Variants in TANC1 observed in about 807,000 individuals in gnomAD.
The protein encoded by TANC1 is tetratricopeptide repeat, ankyrin repeat and coiled-coil containing 1, also known as protein TANC1.
TANC1 carries 77 observed loss-of-function variants against 149.7 expected under a neutral mutation model. That is an observed-to-expected ratio of 0.51 (90% CI 0.43 to 0.62). The LOEUF (loss-of-function observed/expected upper bound fraction) is 0.62, where lower values mean the gene tolerates loss of function less well. TANC1 is among the 20% of genes least tolerant of loss of function. The pLI is 0.00. For missense variants in TANC1, 1,985 were observed against 2,321.8 expected (o/e 0.85, Z 2.98); for synonymous variants, 854 against 925.0 (o/e 0.92, Z 1.39).
At chr2:159,042,664 C>T (rs181882452) in intron 2 of TANC1, among the ~76,000 whole-genome samples, 14 of 151,824 alleles carry the variant, frequency 9.2e-5, no homozygotes, top group African/African-American at 3.1e-4. Flanking sequence ...GGCAAGATTC[C>T]GTGGGGGGTG....
chr2:158,992,380 A>G lies in TANC1; in HGVS notation c.-125-8700A>G, dbSNP rs1404904643. ...ACCCTGTCTCAAAAAAAAAAAAAAG[A>G]AAGTGTTTAAGTGCAGCAGCCATGA... On this transcript the variant is annotated intron_variant, in intron 1 of 26. Transcript: ENST00000263635. 5.3e-5 allele frequency among the ~76,000 whole-genome samples: 8 copies of G among 150,592 alleles called. No individual in the cohort carries two copies. The East Asian group carries it at 1.4e-3, about 26-fold the overall frequency.
rs761075753 is a variant in TANC1 at position 159,172,225 on chromosome 2, G to C, written c.1456G>C (p.Glu486Gln). The C allele has an allele frequency of 6.2e-7, 1 of 1,614,068 alleles. No homozygotes were observed. The highest frequency in any genetic ancestry group is 1.3e-5 in the African/African-American group (1 of 74,938). ...AKTPLGSISA[E>Q]NQRPREDAVK... ...AACACCTCTTGGGTCTATCAGTGCT[G>C]AAAACCAGAGACCAAGAGAGGATGC... Residue 486 changes from glutamate (E) to glutamine (Q), a missense_variant, in exon 11 of 27, where the codon GAA (glutamate) becomes CAA (glutamine). Physicochemically the swap from Glu to Gln is conservative, Grantham distance 29 (BLOSUM62 2). This residue lies in a region of TANC1 where 557 missense variants were observed against 612.9 expected (regional missense o/e 0.91). Transcript: ENST00000263635.
At position 159,060,502 on chromosome 2, in the gene TANC1, C is replaced by G. The variant is rs538305707; in HGVS notation, c.-15-5394C>G. 1.7e-4 allele frequency among the ~76,000 whole-genome samples: 26 copies of G among 152,342 alleles called. No homozygotes were observed. In the East Asian group the frequency reaches 5.0e-3, roughly 29 times the overall value. Reference sequence around the variant, plus strand: ...TGTCACATGGATTTAACTGAATTTTCTTGCATTCCTTGCAAGTGTGAATAT... The same window carrying G: ...TGTCACATGGATTTAACTGAATTTTGTTGCATTCCTTGCAAGTGTGAATAT... On this transcript the variant is annotated intron_variant, in intron 2 of 26. Coordinates refer to ENST00000263635, the MANE Select transcript of TANC1 (RefSeq NM_033394.3).
intron 2 of TANC1, among the ~76,000 whole-genome samples, chr2:159,061,814 ACTTATT>A (rs1476575251): frequency 6.6e-6 from 1 of 152,150 alleles, no homozygotes; most frequent in Non-Finnish European, 1.5e-5. Context: ...ATTTTCAAAG[ACTTATT>A]CTTAAGTATT....
Position 159,028,681 on chromosome 2 carries a change from A to C in TANC1, c.-16+27492A>C, listed in dbSNP as rs7575448. On this transcript the variant is annotated intron_variant, in intron 2 of 26. Coordinates refer to ENST00000263635, the MANE Select transcript of TANC1 (RefSeq NM_033394.3). The stretch of plus-strand genomic sequence containing the variant: ...TGTGACTGAAACTTTATATTCTTTC[A>C]ACAATTCTCCATTTTCCTCTCTCCC... Among the ~76,000 whole-genome samples, 903 of 152,306 alleles carry C rather than the reference A, an allele frequency of 5.9e-3. 8 individuals carry two copies. Among genetic ancestry groups the C allele is most frequent in the South Asian group, 0.013 (62 of 4,826 alleles).
rs554719965 is a variant in TANC1, at chr2:158,996,434, A to G, written c.-125-4646A>G. Among the ~76,000 whole-genome samples the G allele has an allele frequency of 1.6e-4, 24 of 152,356 alleles. No homozygotes were observed. The South Asian group carries it at 4.8e-3, about 30-fold the overall frequency. ...CAGACATATGTTAAATAAATGCCAT[A>G]CTTTTTGCTGTATAACTTGATATTT... On this transcript the variant is annotated intron_variant, in intron 1 of 26. Coordinates refer to ENST00000263635, the MANE Select transcript of TANC1 (RefSeq NM_033394.3).
chr2:159,089,806 C>T (rs1211544217), intron 3 of TANC1, among the ~76,000 whole-genome samples: 1 of 152,226 alleles, frequency 6.6e-6, no homozygotes, highest in Admixed American at 6.5e-5. Flanking sequence ...GGCACTGGCA[C>T]TCTTCTTCCT....
intron 4 of TANC1, among the ~76,000 whole-genome samples, chr2:159,124,654 G>T (rs1389129261): frequency 6.6e-6 from 1 of 152,110 alleles, no homozygotes; most frequent in Non-Finnish European, 1.5e-5. Flanking sequence ...CTTTCCTCCA[G>T]GGATATCTTT....
intron 2 of TANC1, chr2:159,004,153 G>GT (rs2036906960): frequency 6.2e-7 from 1 of 1,612,432 alleles, no homozygotes; most frequent in African/African-American, 1.3e-5. Flanking sequence ...GGAATATTAA[G>GT]TCAGCTTGGT....
At chr2:159,174,427 T>G (rs866693695) in intron 11 of TANC1, among the ~76,000 whole-genome samples, 1 of 152,116 alleles carries the variant, frequency 6.6e-6, no homozygotes, top group South Asian at 2.1e-4. Flanking sequence ...CTTGATGCAG[T>G]GTGGGTGTGG....
intron 2 of TANC1, among the ~76,000 whole-genome samples, chr2:159,040,430 C>T (rs2040538222): frequency 6.6e-6 from 1 of 152,088 alleles, no homozygotes; most frequent in African/African-American, 2.4e-5. Flanking sequence ...TCACATAGTC[C>T]CATATTTCTT....
At chr2:158,985,190 C>CTTAATA (rs1346016989) in intron 1 of TANC1, among the ~76,000 whole-genome samples, 1 of 152,126 alleles carries the variant, frequency 6.6e-6, no homozygotes, top group African/African-American at 2.4e-5. Context: ...TGAGTGTGCA[C>CTTAATA]TTAAGGTGAA....
At chr2:159,128,355 A>G (rs1399339445) in intron 4 of TANC1, among the ~76,000 whole-genome samples, 6 of 152,178 alleles carry the variant, frequency 3.9e-5, no homozygotes, top group African/African-American at 1.4e-4. Context: ...CCTGTATCCC[A>G]GGAGTTGTGG....
At chr2:159,156,472 G>C (rs1362095080) in intron 7 of TANC1, among the ~76,000 whole-genome samples, 1 of 152,184 alleles carries the variant, frequency 6.6e-6, no homozygotes, top group Non-Finnish European at 1.5e-5. Context: ...GGCGCCTACT[G>C]TGTACCAGGA....
At chr2:159,131,824 G>C (rs928021337) in intron 4 of TANC1, among the ~76,000 whole-genome samples, 1 of 152,208 alleles carries the variant, frequency 6.6e-6, no homozygotes, top group African/African-American at 2.4e-5. Context: ...ATGTTCAGCT[G>C]TTTGTGAAAA....
At chr2:159,229,096 C>T (rs2060194085) in intron 26 of TANC1, among the ~76,000 whole-genome samples, 200 bp downstream of exon 26, 1 of 152,082 alleles carries the variant, frequency 6.6e-6, no homozygotes, top group Non-Finnish European at 1.5e-5. Flanking sequence ...CTATTTTCTC[C>T]TGACGTCTCA....
chr2:158,989,149 T>TA (rs761463913), intron 1 of TANC1, among the ~76,000 whole-genome samples: 5 of 152,152 alleles, frequency 3.3e-5, no homozygotes, highest in Non-Finnish European at 7.4e-5. Flanking sequence ...CCCTCAAAGA[T>TA]ACCCCCTGAG....
intron 3 of TANC1, among the ~76,000 whole-genome samples, chr2:159,080,532 C>T (rs1438019695): frequency 2.0e-5 from 3 of 152,094 alleles, no homozygotes; most frequent in Non-Finnish European, 2.9e-5. Context: ...TATTGATGAC[C>T]CCAGCTCAGT....
At chr2:159,189,588 T>C (rs2057289017) in intron 16 of TANC1, among the ~76,000 whole-genome samples, 1 of 152,254 alleles carries the variant, frequency 6.6e-6, no homozygotes, top group South Asian at 2.1e-4. Flanking sequence ...TTTTTAATCT[T>C]TACAACCACC....
Sources: allele counts gnomAD v4.1 joint callset (sites outside exome capture counted in the v4.1 genomes callset), GRCh38; gene constraint gnomAD v4.1.1; regional missense constraint gnomAD v4.1.1; transcripts MANE v1.5; gene names NCBI Gene and HGNC (gene_info 2026-07-23, HGNC 2026-07-21).